The following HIVEP1 variants were observed in gnomAD, a reference collection of about 807,000 sequenced individuals.
HIVEP1 encodes HIVEP zinc finger 1, also known as zinc finger protein 40.
In HIVEP1, 36 loss-of-function variants were observed where a neutral mutation model predicts 180.0. The observed-to-expected ratio is 0.20, with a 90% confidence interval of 0.15 to 0.26. The LOEUF is 0.26. Among genes scored for constraint, HIVEP1 ranks in the 10% least tolerant of loss-of-function variants. The pLI, the probability that HIVEP1 is intolerant of heterozygous loss-of-function variation, is 1.00. For missense variants in HIVEP1, 3,143 were observed against 3,268.7 expected, an observed-to-expected ratio of 0.96 and a Z score of 0.94; for synonymous variants, 1,239 against 1,239.0, an observed-to-expected ratio of 1.00 and a Z score of 0.00.
At chr6:12,178,449 A>G in the HIVEP1 span, among the ~76,000 whole-genome samples, 1 of 152,238 alleles carries the variant, frequency 6.6e-6, no homozygotes, top group East Asian at 1.9e-4. Context: ...TAAATGTAAA[A>G]ATATGCAATT....
chr6:12,019,646 GTC>G (rs1200553383), intron 2 of HIVEP1, among the ~76,000 whole-genome samples: 2 of 152,136 alleles, frequency 1.3e-5, no homozygotes, highest in East Asian at 1.9e-4. Flanking sequence ...TGAAATGTTT[GTC>G]TTGTGCTTGG....
chr6:12,093,918 G>A (rs1432055728), intron 3 of HIVEP1, among the ~76,000 whole-genome samples: 1 of 151,910 alleles, frequency 6.6e-6, no homozygotes, highest in Non-Finnish European at 1.5e-5. Context: ...TTTAGAATCA[G>A]GTCTTTAAAA....
rs751278914 is a variant in HIVEP1 at position 12,164,211 on chromosome 6, A to T, written c.7907A>T (p.Glu2636Val). Residue 2636 changes from glutamate (E) to valine (V), a missense_variant, in exon 9 of 9, where the codon GAG (glutamate) becomes GTG (valine). Coordinates refer to ENST00000379388, the MANE Select transcript of HIVEP1 (RefSeq NM_002114.4). ...RLDGLSKMDT[E>V]KAASANHVKP... ...GATGGCCTGAGTAAAATGGACACAG[A>T]GAAGGCTGCCTCGGCAAATCACGTG... 18 of 1,614,202 alleles carry T rather than the reference A, an allele frequency of 1.1e-5. No individual in the cohort carries two copies. The South Asian group carries it at 2.0e-4, about 18-fold the overall frequency.
intron 7 of HIVEP1, among the ~76,000 whole-genome samples, chr6:12,145,725 G>T (rs547910358): frequency 1.3e-5 from 2 of 152,034 alleles, no homozygotes; most frequent in East Asian, 3.9e-4. Flanking sequence ...TTTCCTCATA[G>T]CACTTAACCA....
In HIVEP1 at chr6:12,123,387, C is replaced by T. The variant is rs1561969387; in HGVS notation, c.3592C>T (p.Leu1198=). Residue 1198 remains leucine (L), a synonymous_variant, in exon 4 of 9, where the codon CTA becomes TTA. Coordinates refer to ENST00000379388, the MANE Select transcript of HIVEP1 (RefSeq NM_002114.4). ...CGGGTCTCATCCTCACCAGCTTGCA[C>T]TATCAGACGCTCTCAGAGGAGAACT... The part of the protein sequence containing the change: ...RDGSHPHQLA[L]SDALRGELQE... The T allele has an allele frequency of 1.2e-6, 2 of 1,614,200 alleles. No individual in the cohort carries two copies. Among genetic ancestry groups the T allele is most frequent in the Admixed American group, 1.7e-5 (1 of 60,024 alleles).
chr6:12,015,321 G>GT (rs371584449), intron 1 of HIVEP1, among the ~76,000 whole-genome samples: 5 of 151,902 alleles, frequency 3.3e-5, no homozygotes, highest in African/African-American at 4.8e-5. Flanking sequence ...AAGATACGGT[G>GT]TTTTTTTTCT....
chr6:12,099,593 C>G (rs182576836), intron 3 of HIVEP1, among the ~76,000 whole-genome samples: 120 of 152,214 alleles, frequency 7.9e-4, no homozygotes, highest in African/African-American at 2.8e-3. Flanking sequence ...AACATAGATG[C>G]AACTCACTTC....
At chr6:12,130,463 G>A (rs960807310) in intron 5 of HIVEP1, among the ~76,000 whole-genome samples, 5 of 152,102 alleles carry the variant, frequency 3.3e-5, no homozygotes, top group Admixed American at 6.5e-5. Context: ...ATGTGAGCCC[G>A]GGAGGTTGAG....
chr6:12,149,220 T>G (rs1759544998), intron 7 of HIVEP1, among the ~76,000 whole-genome samples: 1 of 152,188 alleles, frequency 6.6e-6, no homozygotes, highest in South Asian at 2.1e-4. Context: ...CCTTATATGT[T>G]TGAGTCTTGA....
At chr6:12,179,024 A>T in the HIVEP1 span, among the ~76,000 whole-genome samples, 1 of 152,226 alleles carries the variant, frequency 6.6e-6, no homozygotes, top group Non-Finnish European at 1.5e-5. Flanking sequence ...AAATATAGAA[A>T]GATATAAACA....
At chr6:12,205,259 C>T in the HIVEP1 span, among the ~76,000 whole-genome samples, 180 of 152,190 alleles carry the variant, frequency 1.2e-3, 1 homozygote, top group African/African-American at 4.1e-3. Flanking sequence ...ATCTTGAGGT[C>T]GGGATATCGA....
chr6:12,059,949 C>T (rs996508783), intron 2 of HIVEP1, among the ~76,000 whole-genome samples: 11 of 152,112 alleles, frequency 7.2e-5, no homozygotes, highest in African/African-American at 2.4e-4. Context: ...TACATGTATA[C>T]ATATATATGT....
At chr6:12,191,155 A>T in the HIVEP1 span, among the ~76,000 whole-genome samples, 1 of 152,252 alleles carries the variant, frequency 6.6e-6, no homozygotes, top group African/African-American at 2.4e-5. Context: ...AAAATGTCTA[A>T]TTCTCACAAT....
At chr6:12,196,038 C>A in the HIVEP1 span, among the ~76,000 whole-genome samples, 1 of 152,210 alleles carries the variant, frequency 6.6e-6, no homozygotes, top group Non-Finnish European at 1.5e-5. Flanking sequence ...GGCTAGATGA[C>A]AATCAGACCA....
intron 7 of HIVEP1, among the ~76,000 whole-genome samples, chr6:12,141,397 G>A (rs1759016448): frequency 6.6e-6 from 1 of 152,004 alleles, no homozygotes; most frequent in Non-Finnish European, 1.5e-5. Context: ...GGAACAACCA[G>A]TACCAGCTAC....
the HIVEP1 span, among the ~76,000 whole-genome samples, chr6:12,184,399 A>G: frequency 2.6e-5 from 4 of 152,212 alleles, no homozygotes; most frequent in African/African-American, 9.6e-5. Context: ...CAATTACAGT[A>G]TCATCACACT....
At chr6:12,022,937 A>G (rs1424131749) in intron 2 of HIVEP1, among the ~76,000 whole-genome samples, 1 of 152,240 alleles carries the variant, frequency 6.6e-6, no homozygotes, top group East Asian at 1.9e-4. Flanking sequence ...AAATTCATTT[A>G]AGCCTTGCCT....
Position 12,134,337 on chromosome 6 carries a change from G to A in HIVEP1, c.6386-1454G>A, listed in dbSNP as rs1045658280. On this transcript the variant is annotated intron_variant, in intron 6 of 8. Coordinates refer to ENST00000379388, the MANE Select transcript of HIVEP1 (RefSeq NM_002114.4). ...TTTGATGGACCTTAGCCATCATCTG[G>A]TCTCGGCATCCTCTTAAGCCTGACC... 5.9e-5 allele frequency among the ~76,000 whole-genome samples: 9 copies of A among 152,066 alleles called. No homozygotes were observed. In the South Asian group the frequency reaches 6.2e-4, roughly 11 times the overall value.
chr6:12,072,191 T>C (rs762047449), intron 2 of HIVEP1, among the ~76,000 whole-genome samples: 16 of 152,300 alleles, frequency 1.1e-4, no homozygotes, highest in Non-Finnish European at 2.2e-4. Flanking sequence ...ATGGTGCTTA[T>C]TTCCATCTGT....
Sources: allele counts gnomAD v4.1 joint callset (sites outside exome capture counted in the v4.1 genomes callset), GRCh38; gene constraint gnomAD v4.1.1; transcripts MANE v1.5; gene names NCBI Gene and HGNC (gene_info 2026-07-23, HGNC 2026-07-21).